Variants in ATXN1 observed in about 807,000 individuals in gnomAD.
ATXN1 encodes ataxin-1.
A neutral mutation model predicts 56.4 loss-of-function variants in ATXN1; 8 were observed. That is an observed-to-expected ratio of 0.14 (90% CI 0.08 to 0.26). ATXN1 has a LOEUF of 0.26. Among genes scored for constraint, ATXN1 ranks in the 10% least tolerant of loss-of-function variants. ATXN1 has a pLI of 1.00. For missense variants in ATXN1, 987 were observed against 1,106.5 expected (o/e 0.89, Z 1.53); for synonymous variants, 514 against 494.6 (o/e 1.04, Z -0.52).
At chr6:16,722,435 T>C (rs1472068605) in intron 2 of ATXN1, among the ~76,000 whole-genome samples, 2 of 152,226 alleles carry the variant, frequency 1.3e-5, no homozygotes, top group Admixed American at 6.5e-5. Context: ...AAAAGATACA[T>C]TTAAATGAAC....
chr6:16,504,993 C>CTTTTTT (rs34197922), intron 5 of ATXN1, among the ~76,000 whole-genome samples: 8 of 135,318 alleles, frequency 5.9e-5, no homozygotes, highest in African/African-American at 2.3e-4. Context: ...CTCCTGTTTC[C>CTTTTTT]TTTTTTTTTT....
At chr6:16,648,007 G>A (rs531595516) in intron 3 of ATXN1, among the ~76,000 whole-genome samples, 21 of 152,260 alleles carry the variant, frequency 1.4e-4, no homozygotes, top group Non-Finnish European at 2.6e-4. Flanking sequence ...CCCAGGAGGC[G>A]GAGGCTGCAG....
chr6:16,519,025 A>G (rs898752184), intron 5 of ATXN1, among the ~76,000 whole-genome samples: 1 of 152,226 alleles, frequency 6.6e-6, no homozygotes, highest in African/African-American at 2.4e-5. Context: ...CAACATTTTC[A>G]ATATATTTAC....
intron 6 of ATXN1, among the ~76,000 whole-genome samples, chr6:16,387,911 T>A (rs1430515343): frequency 6.6e-6 from 1 of 152,096 alleles, no homozygotes; most frequent in Non-Finnish European, 1.5e-5. Context: ...ACAACAACAA[T>A]GAATTTAGTG....
intron 3 of ATXN1, among the ~76,000 whole-genome samples, chr6:16,633,171 T>C (rs1279771451): frequency 3.3e-5 from 5 of 152,186 alleles, no homozygotes; most frequent in Non-Finnish European, 5.9e-5. Context: ...TAAAGAAACA[T>C]TTAAAAGGAG....
chr6:16,760,878 G>A lies in ATXN1; in HGVS notation c.-730+420C>T, dbSNP rs1761070462. On this transcript the variant is annotated intron_variant, in intron 1 of 7. Coordinates refer to ENST00000436367, the MANE Select transcript of ATXN1 (RefSeq NM_001128164.2). The surrounding 1 kb of genome is among the most constrained non-coding windows in gnomAD (Gnocchi z 5.3). ...GACATGGCTCTCCGCACTTGCGACC[G>A]GACCAGCAGCCGGGGGAGCGGGGCG... Among the ~76,000 whole-genome samples the A allele has an allele frequency of 6.8e-6, 1 of 147,854 alleles. No homozygotes were observed. The highest frequency in any genetic ancestry group is 2.0e-4 in the East Asian group (1 of 4,964).
intron 6 of ATXN1, among the ~76,000 whole-genome samples, chr6:16,381,211 T>C (rs534298329): frequency 1.3e-5 from 2 of 152,006 alleles, no homozygotes; most frequent in African/African-American, 4.8e-5. Context: ...CTCTTGAACC[T>C]GGGAGGCAGA....
intron 6 of ATXN1, among the ~76,000 whole-genome samples, chr6:16,466,911 C>T (rs1760119830): frequency 6.6e-6 from 1 of 152,208 alleles, no homozygotes; most frequent in African/African-American, 2.4e-5. Context: ...CATCTCATAA[C>T]TCAAGTTTCC....
intron 2 of ATXN1, among the ~76,000 whole-genome samples, chr6:16,693,679 T>C (rs1172172294): frequency 6.6e-6 from 1 of 152,234 alleles, no homozygotes; most frequent in African/African-American, 2.4e-5. Context: ...ATGCTCATCA[T>C]GGCCCTAAAG....
chr6:16,624,946 C>T (rs1296820939), intron 3 of ATXN1, among the ~76,000 whole-genome samples: 2 of 152,182 alleles, frequency 1.3e-5, no homozygotes, highest in Non-Finnish European at 2.9e-5. Flanking sequence ...CAGAATGCAT[C>T]GCTTATCATT....
chr6:16,628,302 G>A (rs1040887255), intron 3 of ATXN1, among the ~76,000 whole-genome samples: 7 of 152,230 alleles, frequency 4.6e-5, no homozygotes, highest in African/African-American at 1.2e-4. Flanking sequence ...AGCCGTGCCC[G>A]TCCCTAAAAT....
chr6:16,307,675 C>CAAA (rs60689654), intron 7 of ATXN1, among the ~76,000 whole-genome samples: 2 of 95,018 alleles, frequency 2.1e-5, no homozygotes, highest in Non-Finnish European at 2.2e-5. Flanking sequence ...GACTCCGTCT[C>CAAA]AAAAAAAAAA....
Position 16,345,070 on chromosome 6 carries a change from G to A in ATXN1, c.-160-16600C>T, listed in dbSNP as rs572675684. On this transcript the variant is annotated intron_variant, in intron 6 of 7. Transcript: ENST00000436367. ...ATCTTGTGTCCATCTCTTGCAGTTT[G>A]TCTTCCTTACAAGCTGGTTATTAAA... Among the ~76,000 whole-genome samples, 4 of 152,302 alleles carry A rather than the reference G, an allele frequency of 2.6e-5. No individual in the cohort carries two copies. In the South Asian group the frequency reaches 8.3e-4, roughly 32 times the overall value.
chr6:16,467,956 A>G (rs1486441291), intron 6 of ATXN1, among the ~76,000 whole-genome samples: 1 of 152,162 alleles, frequency 6.6e-6, no homozygotes. Flanking sequence ...AAGACATTCC[A>G]TTTCTATTTC....
intron 6 of ATXN1, among the ~76,000 whole-genome samples, chr6:16,425,139 C>T (rs6933822): frequency 6.6e-6 from 1 of 152,118 alleles, no homozygotes; most frequent in East Asian, 1.9e-4. Flanking sequence ...TTTTAAAGTG[C>T]ACAGATGCCT....
intron 2 of ATXN1, among the ~76,000 whole-genome samples, chr6:16,703,647 C>T (rs1759340206): frequency 6.6e-6 from 1 of 152,130 alleles, no homozygotes; most frequent in South Asian, 2.1e-4. Context: ...TTTCTTTACT[C>T]AGTTTAGGAA....
At chr6:16,746,711 G>A (rs763601672) in intron 2 of ATXN1, among the ~76,000 whole-genome samples, 9 of 152,082 alleles carry the variant, frequency 5.9e-5, no homozygotes, top group Non-Finnish European at 1.2e-4. Context: ...TTTAGGCACC[G>A]CTTATGACTT....
chr6:16,406,524 G>C lies in ATXN1; in HGVS notation c.-160-78054C>G, dbSNP rs572621436. ...AAAGATTTTCCTCCCCATCTAATTA[G>C]GAATTAATAGTACTTTCTCTTAGAA... On this transcript the variant is annotated intron_variant, in intron 6 of 7. Transcript: ENST00000436367. 2.6e-5 allele frequency among the ~76,000 whole-genome samples: 4 copies of C among 152,248 alleles called. No homozygotes were observed. The South Asian group carries it at 8.3e-4, about 32-fold the overall frequency.
intron 4 of ATXN1, among the ~76,000 whole-genome samples, chr6:16,585,400 AT>A (rs1762603937): frequency 6.6e-6 from 1 of 152,180 alleles, no homozygotes; most frequent in Non-Finnish European, 1.5e-5. Flanking sequence ...GATGTTCAGA[AT>A]TATATTGTTA....
Sources: gnomAD v4.1 joint callset for allele counts (sites outside exome capture counted in the v4.1 genomes callset) on GRCh38, gnomAD v4.1.1 for gene constraint, Gnocchi (gnomAD v3.1) non-coding constraint, MANE v1.5 for transcripts, NCBI Gene and HGNC (gene_info 2026-07-23, HGNC 2026-07-21) for gene names.